MLXIP: variants seen among roughly 807,000 people sequenced by gnomAD.
MLXIP encodes the protein MLX interacting protein.
Under a neutral mutation model 87.2 loss-of-function variants are expected in MLXIP, and 30 were observed. That is an observed-to-expected ratio of 0.34 (90% CI 0.26 to 0.47). MLXIP has a LOEUF of 0.47. MLXIP is among the 20% of genes least tolerant of loss of function. MLXIP has a pLI of 1.00. For missense variants in MLXIP, 1,002 were observed against 1,240.1 expected (o/e 0.81, Z 2.88); for synonymous variants, 530 against 514.0 (o/e 1.03, Z -0.42).
chr12:122,129,029 G>T, intron 3 of MLXIP, 108 bp from the exon 4 acceptor site: 1 of 860,306 alleles, frequency 1.2e-6, no homozygotes. Context: ...GGGGTTTCCC[G>T]CTGGATTGCC....
intron 1 of MLXIP, among the ~76,000 whole-genome samples, chr12:122,094,338 GTA>G (rs1414532321): frequency 7.3e-6 from 1 of 137,486 alleles, no homozygotes; most frequent in East Asian, 2.4e-4. Flanking sequence ...TGTGTGGTGT[GTA>G]TGGGTGTGTG....
chr12:122,127,619 A>T (rs1311319750), intron 2 of MLXIP, among the ~76,000 whole-genome samples: 1 of 152,110 alleles, frequency 6.6e-6, no homozygotes, highest in East Asian at 1.9e-4. Context: ...TCTCCGGGAG[A>T]TGAGTGTGCT....
intron 1 of MLXIP, among the ~76,000 whole-genome samples, chr12:122,119,381 A>G (rs1350623855): frequency 2.7e-5 from 4 of 149,794 alleles, no homozygotes; most frequent in African/African-American, 9.9e-5. Context: ...TAGATATGCC[A>G]GTTTTTTTGT....
rs56017387 is a variant in MLXIP at position 122,111,076 on chromosome 12, C to CAAA, written c.414-16164_414-16162dup. Reference sequence around the variant, plus strand: ...TGGGTGACAGAGCAAGACTCTGTCTCAAAAAAAAAAAAAAAAAAGTCTATT... The same window carrying CAAA: ...TGGGTGACAGAGCAAGACTCTGTCTCAAAAAAAAAAAAAAAAAAAAAGTCTATT... On this transcript the variant is annotated intron_variant, in intron 1 of 16. Coordinates refer to ENST00000319080, the MANE Select transcript of MLXIP (RefSeq NM_014938.6). Among the ~76,000 whole-genome samples the CAAA allele has an allele frequency of 9.3e-5, 12 of 129,724 alleles. 1 individual carries two copies. The highest frequency in any genetic ancestry group is 2.2e-4 in the East Asian group (1 of 4,466). The allele number at this position is 129,724 out of a possible 152,430, so 85.1% of individuals were successfully genotyped here.
chr12:122,085,337 T>G (rs981622219), intron 1 of MLXIP, among the ~76,000 whole-genome samples: 28 of 152,230 alleles, frequency 1.8e-4, no homozygotes, highest in African/African-American at 6.7e-4. Flanking sequence ...CCTAGGAGAT[T>G]AAGAATCATC....
chr12:122,124,221 TC>T (rs1174096268), intron 1 of MLXIP, among the ~76,000 whole-genome samples: 23,979 of 41,518 alleles, frequency 0.58, 7,521 homozygotes, highest in African/African-American at 0.69. Flanking sequence ...TCCTCAGCCG[TC>T]CCCCCACCCT....
In MLXIP at chr12:122,147,289, T is replaced by G. The variant is rs1953320378; in HGVS notation, c.*5477T>G. ...CAGCTGTATTCAACACTACAATGCA[T>G]TTTTTAAACTATATTTGCATCCAAG... On this transcript the variant is annotated 3_prime_UTR_variant, in exon 17 of 17. Transcript: ENST00000319080. 1 of 152,244 alleles carries G rather than the reference T, an allele frequency of 6.6e-6. No individual in the cohort carries two copies. Among genetic ancestry groups the G allele is most frequent in the South Asian group, 2.1e-4 (1 of 4,826 alleles). 9.4% of individuals were successfully genotyped at this position (152,244 alleles called of 1,614,324 possible). A position where few individuals can be genotyped will look rare whatever the true frequency, so the allele number is the denominator to read the frequency against.
intron 15 of MLXIP, among the ~76,000 whole-genome samples, chr12:122,140,032 G>A (rs982469612): frequency 6.6e-6 from 1 of 152,260 alleles, no homozygotes; most frequent in African/African-American, 2.4e-5. Context: ...CCTCTGTGTT[G>A]CTGTTTTACT....
At chr12:122,122,113 G>T (rs1017149997) in intron 1 of MLXIP, among the ~76,000 whole-genome samples, 1 of 152,148 alleles carries the variant, frequency 6.6e-6, no homozygotes, top group Non-Finnish European at 1.5e-5. Flanking sequence ...GGAGGATTGC[G>T]TGTCTTGGGG....
In MLXIP at chr12:122,137,402, C is replaced by G; in HGVS notation, c.2033-67C>G. On this transcript the variant is annotated intron_variant, in intron 11 of 16. Transcript: ENST00000319080. This position sits in a 1 kb window ranked among gnomAD's most constrained non-coding sequence, Gnocchi z 4.1. ...AGCACCTCATAACCCTGCAGAGACC[C>G]CAGGCTGCCTCCTGGTGGCGTTGAG... The G allele has an allele frequency of 6.4e-7, 1 of 1,563,704 alleles. No individual in the cohort carries two copies. The highest frequency in any genetic ancestry group is 8.7e-7 in the Non-Finnish European group (1 of 1,155,806).
chr12:122,119,921 T>A (rs750672774), intron 1 of MLXIP, among the ~76,000 whole-genome samples: 10 of 152,216 alleles, frequency 6.6e-5, no homozygotes, highest in South Asian at 2.1e-4. Flanking sequence ...ACAATTGTTT[T>A]TGCCCATCAT....
At chr12:122,127,663 A>C (rs1459113857) in intron 2 of MLXIP, among the ~76,000 whole-genome samples, 1 of 152,214 alleles carries the variant, frequency 6.6e-6, no homozygotes, top group East Asian at 1.9e-4. Context: ...TCTTTCTCTG[A>C]GAAGCCACAC....
At chr12:122,129,370 C>G in intron 4 of MLXIP, 144 bp downstream of exon 4, 1 of 917,294 alleles carries the variant, frequency 1.1e-6, no homozygotes, top group Non-Finnish European at 1.7e-6. Context: ...GCCCAGCGTG[C>G]CAGACTAGCC....
chr12:122,122,605 G>A (rs56408328), intron 1 of MLXIP, among the ~76,000 whole-genome samples: 4 of 151,682 alleles, frequency 2.6e-5, no homozygotes, highest in African/African-American at 4.8e-5. Context: ...GCAGTGATGC[G>A]ATCTCGGCTC....
rs190315026 is a variant in MLXIP at position 122,134,025 on chromosome 12, C to T, written c.1732+38C>T. 2.4e-3 allele frequency: 3,783 copies of T among 1,545,608 alleles called. 24 individuals are homozygous for T. The highest frequency in any genetic ancestry group is 8.1e-3 in the South Asian group (669 of 82,504). The stretch of plus-strand genomic sequence containing the variant: ...GGGAGACTCAGTGCGGGGCTCCCCC[C>T]GACCCAGAGGGATGTTTTCCCATCC... On this transcript the variant is annotated intron_variant, in intron 9 of 16. Transcript: ENST00000319080.
chr12:122,105,413 T>A (rs2135933402), intron 1 of MLXIP, among the ~76,000 whole-genome samples: 1 of 151,962 alleles, frequency 6.6e-6, no homozygotes, highest in South Asian at 2.1e-4. Flanking sequence ...AGTGTTGAGA[T>A]CTCAGCTCAC....
intron 15 of MLXIP, 75 bp from the exon 16 acceptor site, chr12:122,140,879 C>T (rs1277723649): frequency 6.2e-7 from 1 of 1,611,218 alleles, no homozygotes; most frequent in Non-Finnish European, 8.5e-7. Flanking sequence ...AAGGAGTACG[C>T]CAGTCCAACC....
chr12:122,090,323 C>T (rs926394846), intron 1 of MLXIP, among the ~76,000 whole-genome samples: 1 of 152,032 alleles, frequency 6.6e-6, no homozygotes, highest in Non-Finnish European at 1.5e-5. Context: ...TGGCGAAACC[C>T]TGTCTCTACC....
chr12:122,118,481 T>C (rs1054688625), intron 1 of MLXIP, among the ~76,000 whole-genome samples: 1 of 152,220 alleles, frequency 6.6e-6, no homozygotes, highest in Non-Finnish European at 1.5e-5. Flanking sequence ...CCTTTTCTTA[T>C]GTATCCATCT....
Sources: gnomAD v4.1 joint callset for allele counts (sites outside exome capture counted in the v4.1 genomes callset) on GRCh38, gnomAD v4.1.1 for gene constraint, Gnocchi (gnomAD v3.1) non-coding constraint, MANE v1.5 for transcripts, NCBI Gene and HGNC (gene_info 2026-07-23, HGNC 2026-07-21) for gene names.